The following PLCB1 variants were observed in gnomAD, a reference collection of about 807,000 sequenced individuals.
PLCB1 encodes the protein phospholipase C beta 1.
PLCB1 carries 46 observed loss-of-function variants against 161.8 expected under a neutral mutation model. That is an observed-to-expected ratio of 0.28 (90% CI 0.22 to 0.36). The LOEUF (loss-of-function observed/expected upper bound fraction) is 0.36. PLCB1 is among the 10% of genes least tolerant of loss of function. The pLI is 1.00. For synonymous variants in PLCB1, 517 were observed against 503.7 expected, an observed-to-expected ratio of 1.03 and a Z score of -0.35; for missense variants, 1,016 against 1,472.5, an observed-to-expected ratio of 0.69 and a Z score of 5.07.
Position 8,254,942 on chromosome 20 carries a change from A to G in PLCB1, c.177+104571A>G, listed in dbSNP as rs536169551. On this transcript the variant is annotated intron_variant, in intron 2 of 31. Coordinates refer to ENST00000338037, the MANE Select transcript of PLCB1 (RefSeq NM_015192.4). Reference sequence around the variant, plus strand: ...AGGTTTGAAGTAATATATTTGAAAAATGCTTTGTAATCTGAAAAGCACCAG... The same window carrying G: ...AGGTTTGAAGTAATATATTTGAAAAGTGCTTTGTAATCTGAAAAGCACCAG... 2.0e-5 allele frequency among the ~76,000 whole-genome samples: 3 copies of G among 152,186 alleles called. No individual in the cohort carries two copies. The East Asian group carries it at 5.8e-4, about 30-fold the overall frequency.
intron 7 of PLCB1, among the ~76,000 whole-genome samples, chr20:8,655,839 G>C (rs1020793375): frequency 2.0e-5 from 3 of 152,048 alleles, no homozygotes; most frequent in Non-Finnish European, 2.9e-5. Flanking sequence ...GAGTATGGTA[G>C]ATAGGGTCAT....
Position 8,774,667 on chromosome 20 carries a change from G to T in PLCB1, c.3059G>T (p.Arg1020Leu). ...CAACAGCAGCAGCTGCTTAATCTTC[G>T]GCAAGAACAGTATTATAGTGAAAAA... ...DKQQQQLLNL[R>L]QEQYYSEKYQ... The change falls in exon 27 of 32, where the codon CGG (arginine) becomes CTG (leucine). Residue 1020 changes from arginine (R) to leucine (L), a missense_variant. Arg to Leu is a moderately radical substitution (Grantham distance 102, BLOSUM62 -2). This residue lies in a region of PLCB1 where 398 missense variants were observed against 445.4 expected (regional missense o/e 0.89). Coordinates refer to ENST00000338037, the MANE Select transcript of PLCB1 (RefSeq NM_015192.4). The T allele has an allele frequency of 6.2e-7, 1 of 1,613,762 alleles. No homozygotes were observed. The highest frequency in any genetic ancestry group is 2.2e-5 in the East Asian group (1 of 44,874).
At chr20:8,526,618 A>G (rs981031628) in intron 3 of PLCB1, among the ~76,000 whole-genome samples, 7 of 152,104 alleles carry the variant, frequency 4.6e-5, no homozygotes, top group Admixed American at 4.6e-4. Flanking sequence ...TTAGCGTAAG[A>G]GTAGTCTTGG....
intron 9 of PLCB1, among the ~76,000 whole-genome samples, chr20:8,668,798 T>C (rs557893200): frequency 7.2e-5 from 11 of 152,296 alleles, no homozygotes; most frequent in Non-Finnish European, 1.2e-4. Context: ...GGAGCACCAG[T>C]ACAGTCTGCT....
rs538768270 is a variant in PLCB1, at chr20:8,503,692, A to T, written c.247-124602A>T. Among the ~76,000 whole-genome samples the T allele has an allele frequency of 3.2e-3, 487 of 151,982 alleles. 1 individual carries two copies. Among genetic ancestry groups the T allele is most frequent in the African/African-American group, 6.1e-3 (253 of 41,470 alleles). On this transcript the variant is annotated intron_variant, in intron 3 of 31. Coordinates refer to ENST00000338037, the MANE Select transcript of PLCB1 (RefSeq NM_015192.4). ...TTAGACATGACTGTGATTTTTTTTT[A>T]AAATAAGTGGATGTTAGGATCTGGG...
intron 31 of PLCB1, among the ~76,000 whole-genome samples, chr20:8,832,888 C>T (rs6039295): frequency 1.3e-5 from 2 of 152,178 alleles, no homozygotes; most frequent in African/African-American, 4.8e-5. Flanking sequence ...AGAAAGTACC[C>T]TCATGTCGGC....
intron 2 of PLCB1, among the ~76,000 whole-genome samples, chr20:8,255,865 A>G (rs995143785): frequency 6.6e-6 from 1 of 152,232 alleles, no homozygotes; most frequent in African/African-American, 2.4e-5. Flanking sequence ...TCAATCAGCG[A>G]CGAACCACAT....
chr20:8,471,911 A>G (rs767187850), intron 3 of PLCB1, among the ~76,000 whole-genome samples: 3 of 152,172 alleles, frequency 2.0e-5, no homozygotes, highest in African/African-American at 4.8e-5. Context: ...TCATAAATTT[A>G]GGGAGAATGC....
At chr20:8,683,798 A>G (rs1213910401) in intron 9 of PLCB1, among the ~76,000 whole-genome samples, 2 of 152,164 alleles carry the variant, frequency 1.3e-5, no homozygotes, top group Non-Finnish European at 2.9e-5. Context: ...ATCTTTTTTC[A>G]TGAGCATTCA....
At chr20:8,440,838 T>TTATATA (rs139087766) in intron 3 of PLCB1, among the ~76,000 whole-genome samples, 18 of 149,828 alleles carry the variant, frequency 1.2e-4, no homozygotes, top group South Asian at 2.1e-4. Context: ...GTTTTTGATT[T>TTATATA]TATATATATA....
chr20:8,648,127 T>G (rs1050037136), intron 6 of PLCB1, among the ~76,000 whole-genome samples, 174 bp downstream of exon 6: 1 of 152,160 alleles, frequency 6.6e-6, no homozygotes, highest in African/African-American at 2.4e-5. Context: ...CTCATAGACG[T>G]CTCCCCGGGG....
intron 2 of PLCB1, among the ~76,000 whole-genome samples, chr20:8,268,040 A>G (rs1982068764): frequency 6.6e-6 from 1 of 151,988 alleles, no homozygotes; most frequent in African/African-American, 2.4e-5. Context: ...ATATGTATAC[A>G]TGTGTCATGT....
chr20:8,729,239 T>C, intron 18 of PLCB1, 65 bp downstream of exon 18: 1 of 1,396,056 alleles, frequency 7.2e-7, no homozygotes, highest in Non-Finnish European at 9.5e-7. Context: ...AAACCATTCT[T>C]ACATAATTGG....
At chr20:8,831,846 TC>T (rs1301386803) in intron 31 of PLCB1, among the ~76,000 whole-genome samples, 2 of 152,214 alleles carry the variant, frequency 1.3e-5, no homozygotes, top group African/African-American at 4.8e-5. Flanking sequence ...CACAGATATT[TC>T]CCCATTTTCA....
chr20:8,740,480 C>T, intron 22 of PLCB1, 32 bp downstream of exon 22: 1 of 1,192,308 alleles, frequency 8.4e-7, no homozygotes, highest in Non-Finnish European at 1.2e-6. Context: ...CCACTTTACT[C>T]AAAGGGGTAT....
chr20:8,391,584 G>A (rs561470486), intron 3 of PLCB1, among the ~76,000 whole-genome samples: 1 of 151,832 alleles, frequency 6.6e-6, no homozygotes, highest in Admixed American at 6.6e-5. Context: ...AACCCAGGAA[G>A]GTTTATTGGT....
intron 3 of PLCB1, among the ~76,000 whole-genome samples, chr20:8,498,854 G>C (rs997146290): frequency 1.3e-5 from 2 of 152,194 alleles, no homozygotes; most frequent in Admixed American, 6.5e-5. Context: ...TCGAAGACAG[G>C]CTGAGGGTAT....
intron 31 of PLCB1, among the ~76,000 whole-genome samples, chr20:8,879,286 T>C (rs4816103): frequency 0.37 from 55,981 of 149,942 alleles, 10,662 homozygotes; most frequent in South Asian, 0.58. Context: ...TGTCACACAC[T>C]TTTTGATGTG....
intron 2 of PLCB1, among the ~76,000 whole-genome samples, chr20:8,280,527 C>T (rs1050124119): frequency 4.6e-5 from 7 of 151,888 alleles, no homozygotes; most frequent in Non-Finnish European, 7.4e-5. Flanking sequence ...TACAAAATGA[C>T]CTGGATCAAA....
Sources: allele counts gnomAD v4.1 joint callset (sites outside exome capture counted in the v4.1 genomes callset), GRCh38; gene constraint gnomAD v4.1.1; regional missense constraint gnomAD v4.1.1; transcripts MANE v1.5; gene names NCBI Gene and HGNC (gene_info 2026-07-23, HGNC 2026-07-21).